SYN3: variants seen among roughly 807,000 people sequenced by gnomAD.
SYN3 encodes synapsin III, also known as synapsin-3.
SYN3 carries 35 observed loss-of-function variants against 65.8 expected under a neutral mutation model. The observed-to-expected ratio is 0.53, with a 90% confidence interval of 0.41 to 0.70. SYN3 has a LOEUF of 0.70. SYN3 is among the 30% of genes least tolerant of loss of function. The pLI, the probability that SYN3 is intolerant of heterozygous loss-of-function variation, is 0.00. For synonymous variants in SYN3, 270 were observed against 292.9 expected, an observed-to-expected ratio of 0.92 and a Z score of 0.80; for missense variants, 680 against 749.0, an observed-to-expected ratio of 0.91 and a Z score of 1.08.
intron 4 of SYN3, among the ~76,000 whole-genome samples, chr22:32,897,462 G>A (rs2049626935): frequency 6.6e-6 from 1 of 152,204 alleles, no homozygotes. Context: ...GGGGTTCCCA[G>A]GATGCCCAAT....
At chr22:32,655,948 C>A (rs2060136432) in intron 6 of SYN3, among the ~76,000 whole-genome samples, 1 of 152,188 alleles carries the variant, frequency 6.6e-6, no homozygotes, top group Non-Finnish European at 1.5e-5. Flanking sequence ...AAAACCCCAG[C>A]TTCACCACTT....
At chr22:33,023,651 G>A (rs2053594329) in intron 1 of SYN3, among the ~76,000 whole-genome samples, 1 of 152,114 alleles carries the variant, frequency 6.6e-6, no homozygotes, top group South Asian at 2.1e-4. Context: ...GGGAGGTTGA[G>A]GCTGCAGTGA....
chr22:32,796,411 G>A (rs370371779), intron 6 of SYN3, among the ~76,000 whole-genome samples: 28 of 152,306 alleles, frequency 1.8e-4, no homozygotes, highest in African/African-American at 6.7e-4. Context: ...AGCCAGAGGC[G>A]AATGTAGCCA....
intron 3 of SYN3, among the ~76,000 whole-genome samples, chr22:32,970,301 G>A (rs1283897323): frequency 2.0e-5 from 3 of 152,070 alleles, no homozygotes; most frequent in Non-Finnish European, 4.4e-5. Context: ...AAACCTAGTT[G>A]ATCTGGCTTG....
At chr22:32,655,367 C>T (rs1440665551) in intron 6 of SYN3, among the ~76,000 whole-genome samples, 1 of 152,156 alleles carries the variant, frequency 6.6e-6, no homozygotes, top group Non-Finnish European at 1.5e-5. Context: ...TTTGTCACAG[C>T]AGCAGGAATG....
At chr22:32,565,029 A>ACTGCACCCAAACAGTGCTCCTGGG (rs2058650640) in intron 7 of SYN3, among the ~76,000 whole-genome samples, 1 of 148,234 alleles carries the variant, frequency 6.7e-6, no homozygotes, top group Non-Finnish European at 1.5e-5. Flanking sequence ...GTGCTCCCGG[A>ACTGCACCCAAACAGTGCTCCTGGG]CTGCACCCAA....
chr22:32,594,830 C>T (rs2059176018), intron 7 of SYN3, among the ~76,000 whole-genome samples: 1 of 152,110 alleles, frequency 6.6e-6, no homozygotes, highest in Non-Finnish European at 1.5e-5. Flanking sequence ...TGGAGTTTAG[C>T]CATACAGAAG....
intron 6 of SYN3, among the ~76,000 whole-genome samples, chr22:32,776,063 CAGAG>C (rs891382968): frequency 6.6e-6 from 1 of 152,030 alleles, no homozygotes; most frequent in Non-Finnish European, 1.5e-5. Flanking sequence ...CTGGTGCCCG[CAGAG>C]AGAGAGATCT....
chr22:32,886,503 T>A (rs1181172447), intron 4 of SYN3, among the ~76,000 whole-genome samples: 1 of 152,194 alleles, frequency 6.6e-6, no homozygotes, highest in African/African-American at 2.4e-5. Flanking sequence ...AAATGTGCAA[T>A]TCATAGAGCC....
At chr22:32,552,420 C>CT (rs968943500) in intron 7 of SYN3, among the ~76,000 whole-genome samples, 20 of 138,306 alleles carry the variant, frequency 1.4e-4, no homozygotes, top group Middle Eastern at 3.5e-3. Context: ...AAAGGTTTTT[C>CT]TTTTTTTTTT....
intron 1 of SYN3, among the ~76,000 whole-genome samples, chr22:33,025,401 G>A (rs1361389441): frequency 3.0e-4 from 42 of 138,576 alleles, no homozygotes; most frequent in Non-Finnish European, 4.5e-4. Context: ...TTGCGCCACT[G>A]CACTCCAGGG....
chr22:32,997,732 T>A (rs1253180663), intron 2 of SYN3, among the ~76,000 whole-genome samples: 1 of 152,024 alleles, frequency 6.6e-6, no homozygotes, highest in Non-Finnish European at 1.5e-5. Context: ...AAGAGAATTT[T>A]AAGAATGCCA....
intron 6 of SYN3, among the ~76,000 whole-genome samples, chr22:32,626,596 T>C (rs1432328509): frequency 6.6e-6 from 1 of 152,060 alleles, no homozygotes; most frequent in Non-Finnish European, 1.5e-5. Flanking sequence ...CTGAGAAAGA[T>C]GGGGACTCTG....
At chr22:33,007,804 T>C (rs1294480289) in intron 1 of SYN3, among the ~76,000 whole-genome samples, 1 of 152,248 alleles carries the variant, frequency 6.6e-6, no homozygotes, top group East Asian at 1.9e-4. Context: ...TACACATCTA[T>C]TGCTTTTCTA....
At chr22:32,740,770 G>A (rs765945549) in intron 6 of SYN3, among the ~76,000 whole-genome samples, 2 of 152,180 alleles carry the variant, frequency 1.3e-5, no homozygotes, top group Non-Finnish European at 2.9e-5. Flanking sequence ...ATTCAGAGAT[G>A]AGGTGGGCTG....
chr22:32,596,719 G>C lies in SYN3; in HGVS notation c.729C>G (p.Phe243Leu), dbSNP rs778548803. ...NHKPMVTAPH[F>L]PVVVKLGHAH... ...CATGTCCCAGCTTGACTACCACCGG[G>C]AAGTGTGGGGCTGTGACCTGAAAGA... The change falls in exon 7 of 14, where the codon TTC becomes TTG. Residue 243 changes from phenylalanine to leucine, a missense_variant. Physicochemically the swap from Phe to Leu is conservative, Grantham distance 22 (BLOSUM62 0). Coordinates refer to ENST00000358763, the MANE Select transcript of SYN3 (RefSeq NM_003490.4). The C allele has an allele frequency of 1.2e-6, 2 of 1,614,040 alleles. No homozygotes were observed. The highest frequency in any genetic ancestry group is 1.3e-5 in the African/African-American group (1 of 75,018).
intron 4 of SYN3, among the ~76,000 whole-genome samples, chr22:32,902,043 T>C (rs1333345958): frequency 6.6e-5 from 10 of 152,288 alleles, no homozygotes; most frequent in Admixed American, 4.6e-4. Context: ...CACAGCTTTG[T>C]TGGGCACATG....
At chr22:32,612,479 A>T (rs900160581) in intron 6 of SYN3, among the ~76,000 whole-genome samples, 1 of 152,344 alleles carries the variant, frequency 6.6e-6, no homozygotes. Context: ...GAAAACCCAC[A>T]TATTTAGTGT....
chr22:32,657,693 G>A (rs2060161896), intron 6 of SYN3, among the ~76,000 whole-genome samples: 1 of 152,166 alleles, frequency 6.6e-6, no homozygotes, highest in Non-Finnish European at 1.5e-5. Flanking sequence ...ATGCTCAAAG[G>A]ACACAGCAGT....
Sources: gnomAD v4.1 joint callset for allele counts (sites outside exome capture counted in the v4.1 genomes callset) on GRCh38, gnomAD v4.1.1 for gene constraint, MANE v1.5 for transcripts, NCBI Gene and HGNC (gene_info 2026-07-23, HGNC 2026-07-21) for gene names.